The following VIPR2 variants were observed in gnomAD, a reference collection of about 807,000 sequenced individuals.
VIPR2 encodes vasoactive intestinal polypeptide receptor 2.
Under a neutral mutation model 58.0 loss-of-function variants are expected in VIPR2, and 48 were observed. The ratio of observed to expected loss-of-function variants is 0.83; its 90% CI spans 0.66 to 1.05. The LOEUF is 1.05. Among genes scored for constraint, VIPR2 ranks in the 50% least tolerant of loss-of-function variants. VIPR2 has a pLI of 0.00. For synonymous variants in VIPR2, 243 were observed against 235.2 expected, an observed-to-expected ratio of 1.03 and a Z score of -0.30; for missense variants, 534 against 558.0, an observed-to-expected ratio of 0.96 and a Z score of 0.43.
intron 4 of VIPR2, among the ~76,000 whole-genome samples, chr7:159,064,196 C>T (rs1385427126): frequency 2.0e-5 from 3 of 152,126 alleles, no homozygotes; most frequent in South Asian, 2.1e-4. Context: ...GGGAGAGGGG[C>T]GGCCCCACGC....
Position 159,031,597 on chromosome 7 carries a change from T to C in VIPR2, c.1143+231A>G. 2.0e-6 allele frequency: 2 copies of C among 985,188 alleles called. No homozygotes were observed. The highest frequency in any genetic ancestry group is 1.1e-4 in the East Asian group (1 of 8,792). The allele number at this position is 985,188 out of a possible 1,614,324, so 61.0% of individuals were successfully genotyped here. A position where few individuals can be genotyped will look rare whatever the true frequency, so the allele number is the denominator to read the frequency against. ...GGGCTCCGAGACGGACGGCAGTCGA[T>C]GCTACTTAGGGTGGACGGAAGGACG... On this transcript the variant is annotated intron_variant, in intron 12 of 12. Transcript: ENST00000262178. The surrounding 1 kb of genome is among the most constrained non-coding windows in gnomAD (Gnocchi z 4.0).
intron 4 of VIPR2, among the ~76,000 whole-genome samples, chr7:159,063,897 G>T (rs1336494185): frequency 2.5e-5 from 3 of 117,940 alleles, no homozygotes; most frequent in African/African-American, 6.3e-5. Context: ...GTCCTGGGGG[G>T]ATCTGGGGTT....
At chr7:159,057,678 T>C (rs1349694862) in intron 5 of VIPR2, among the ~76,000 whole-genome samples, 3 of 152,182 alleles carry the variant, frequency 2.0e-5, no homozygotes, top group African/African-American at 7.2e-5. Context: ...TCCATTTTAT[T>C]TAGTGCTAAT....
At chr7:159,080,003 A>G (rs940037915) in intron 4 of VIPR2, among the ~76,000 whole-genome samples, 11 of 152,200 alleles carry the variant, frequency 7.2e-5, no homozygotes, top group African/African-American at 2.7e-4. Flanking sequence ...AAAGTCCAGG[A>G]CCAGATGGAT....
chr7:159,077,043 C>A (rs1288394644), intron 4 of VIPR2, among the ~76,000 whole-genome samples: 1 of 152,220 alleles, frequency 6.6e-6, no homozygotes, highest in African/African-American at 2.4e-5. Flanking sequence ...CTTTGGTTAT[C>A]ACCAAAACTT....
intron 2 of VIPR2, among the ~76,000 whole-genome samples, chr7:159,121,514 G>C (rs6976981): frequency 6.6e-6 from 1 of 152,162 alleles, no homozygotes; most frequent in Non-Finnish European, 1.5e-5. Context: ...TTAGGTACCC[G>C]TGCGTGGGAT....
At chr7:159,040,139 G>A (rs1297202238) in intron 6 of VIPR2, among the ~76,000 whole-genome samples, 1 of 152,226 alleles carries the variant, frequency 6.6e-6, no homozygotes, top group Non-Finnish European at 1.5e-5. Context: ...GAGGTCTGGG[G>A]AATGACAAGG....
intron 5 of VIPR2, among the ~76,000 whole-genome samples, chr7:159,047,449 A>G (rs1386761136): frequency 6.6e-6 from 1 of 152,114 alleles, no homozygotes; most frequent in Non-Finnish European, 1.5e-5. Context: ...TGGTGTAAAT[A>G]TTTTTTCATA....
At chr7:159,057,191 A>T (rs2467807) in intron 5 of VIPR2, among the ~76,000 whole-genome samples, 89,971 of 152,160 alleles carry the variant, frequency 0.59, 28,641 homozygotes, top group East Asian at 0.75. Context: ...TTACTTCCTT[A>T]AAGTTTTCCT....
At chr7:159,118,263 C>T (rs941483009) in intron 2 of VIPR2, among the ~76,000 whole-genome samples, 3 of 152,204 alleles carry the variant, frequency 2.0e-5, no homozygotes, top group Admixed American at 6.5e-5. Context: ...CTGCCCCAAA[C>T]GGTAACAGGA....
intron 4 of VIPR2, among the ~76,000 whole-genome samples, chr7:159,074,454 A>T (rs772597719): frequency 4.5e-4 from 68 of 152,336 alleles, no homozygotes; most frequent in Middle Eastern, 6.8e-3. Context: ...TGGAGCCCTC[A>T]TGAACAGGGT....
Position 159,031,826 on chromosome 7 carries a change from A to C in VIPR2, c.1143+2T>G. ...TTGGTTCCAAGGCGGCCATGAACTT[A>C]CCTCACTGTTCAGGAAACAGTAGAG... On this transcript the variant is annotated splice_donor_variant, in intron 12 of 12. Transcript: ENST00000262178. LOFTEE classifies it high-confidence loss of function. This position sits in a 1 kb window ranked among gnomAD's most constrained non-coding sequence, Gnocchi z 4.0. The C allele has an allele frequency of 6.2e-7, 1 of 1,613,890 alleles. No homozygotes were observed. Among genetic ancestry groups the C allele is most frequent in the Non-Finnish European group, 8.5e-7 (1 of 1,179,992 alleles).
At chr7:159,049,033 C>T (rs895809215) in intron 5 of VIPR2, among the ~76,000 whole-genome samples, 4 of 152,188 alleles carry the variant, frequency 2.6e-5, no homozygotes, top group African/African-American at 9.7e-5. Context: ...CATTACTGCA[C>T]CCTCTGTGGA....
At chr7:159,105,087 A>T (rs1054705736) in intron 3 of VIPR2, among the ~76,000 whole-genome samples, 9 of 152,228 alleles carry the variant, frequency 5.9e-5, no homozygotes, top group African/African-American at 2.2e-4. Context: ...GTAAGCTCAG[A>T]AATTCAATGT....
chr7:159,043,519 C>A (rs1854470198), intron 5 of VIPR2, among the ~76,000 whole-genome samples: 1 of 151,708 alleles, frequency 6.6e-6, no homozygotes, highest in Admixed American at 6.6e-5. Context: ...GGTGTAGGGA[C>A]CATTCAAGAA....
intron 2 of VIPR2, among the ~76,000 whole-genome samples, chr7:159,135,545 G>A (rs770640831): frequency 6.6e-5 from 10 of 152,102 alleles, no homozygotes; most frequent in East Asian, 5.8e-4. Flanking sequence ...GGAGGAGGCC[G>A]GGCACAGTGG....
chr7:159,117,752 G>A (rs1410366380), intron 2 of VIPR2, among the ~76,000 whole-genome samples: 1 of 152,180 alleles, frequency 6.6e-6, no homozygotes, highest in Non-Finnish European at 1.5e-5. Flanking sequence ...CCACCCTGCT[G>A]CTGTCATCAG....
chr7:159,141,367 A>T (rs1221632567), intron 2 of VIPR2, among the ~76,000 whole-genome samples: 2 of 152,258 alleles, frequency 1.3e-5, no homozygotes, highest in Non-Finnish European at 2.9e-5. Context: ...CAGAGCCTGC[A>T]CGTTTCAGAC....
intron 2 of VIPR2, among the ~76,000 whole-genome samples, chr7:159,136,670 G>A (rs139696556): frequency 9.9e-5 from 15 of 152,180 alleles, no homozygotes; most frequent in African/African-American, 3.4e-4. Flanking sequence ...AAGAACCCCC[G>A]CGTCAACACA....
Sources: allele counts gnomAD v4.1 joint callset (sites outside exome capture counted in the v4.1 genomes callset), GRCh38; gene constraint gnomAD v4.1.1; non-coding constraint Gnocchi (gnomAD v3.1); transcripts MANE v1.5; gene names NCBI Gene and HGNC (gene_info 2026-07-23, HGNC 2026-07-21).